The following CACNG4 variants were observed in gnomAD, a reference collection of about 807,000 sequenced individuals.
CACNG4 encodes the protein voltage-dependent calcium channel gamma-4 subunit.
In CACNG4, 8 loss-of-function variants were observed where a neutral mutation model predicts 22.9. The ratio of observed to expected loss-of-function variants is 0.35; its 90% CI spans 0.21 to 0.63. CACNG4 has a LOEUF of 0.63. Ranked by LOEUF, CACNG4 falls within the 30% of genes least tolerant of loss-of-function variation. The pLI is 0.72. For synonymous variants in CACNG4, 188 were observed against 191.9 expected (o/e 0.98, Z 0.17); for missense variants, 357 against 455.4 (o/e 0.78, Z 1.97).
In CACNG4 at chr17:66,984,187, T is replaced by G. The variant is rs57050551; in HGVS notation, c.220+19056T>G. ...AGAGGCCAGGAGTTCAAGACCAGTT[T>G]GGCAACATAATGAGACCCCGTTTCT... On this transcript the variant is annotated intron_variant, in intron 1 of 3. Coordinates refer to ENST00000262138, the MANE Select transcript of CACNG4 (RefSeq NM_014405.4). This position sits in a 1 kb window ranked among gnomAD's most constrained non-coding sequence, Gnocchi z 4.0. Among the ~76,000 whole-genome samples, 13,891 of 152,154 alleles carry G rather than the reference T, an allele frequency of 0.091. 1,107 individuals are homozygous for G. The highest frequency in any genetic ancestry group is 0.22 in the African/African-American group (9,130 of 41,464).
chr17:67,031,803 C>T lies in CACNG4; in HGVS notation c.*799C>T, dbSNP rs1481459676. ...AGGGTTCCATCGGTCAGGGGAATGG[C>T]GGCCACGTGACCTCTTGCCGTGCCC... On this transcript the variant is annotated 3_prime_UTR_variant, in exon 4 of 4. Transcript: ENST00000262138. This position sits in a 1 kb window ranked among gnomAD's most constrained non-coding sequence, Gnocchi z 4.0. 1.5e-5 allele frequency: 7 copies of T among 456,546 alleles called. No individual in the cohort carries two copies. The highest frequency in any genetic ancestry group is 4.7e-5 in the Admixed American group (2 of 42,550). The allele number at this position is 456,546 out of a possible 1,614,324, so 28.3% of individuals were successfully genotyped here.
intron 1 of CACNG4, among the ~76,000 whole-genome samples, chr17:66,968,333 G>C (rs2035182701): frequency 1.3e-5 from 2 of 152,254 alleles, no homozygotes; most frequent in Non-Finnish European, 2.9e-5. Context: ...TTAGAAGTGA[G>C]GATGCACAAC....
intron 3 of CACNG4, among the ~76,000 whole-genome samples, chr17:67,026,293 G>T (rs566356940): frequency 6.6e-6 from 1 of 151,050 alleles, no homozygotes; most frequent in African/African-American, 2.4e-5. Flanking sequence ...GTGTTTGTGC[G>T]TGTTAAGAGT....
intron 1 of CACNG4, among the ~76,000 whole-genome samples, chr17:67,013,711 A>G (rs916661274): frequency 6.6e-6 from 1 of 152,088 alleles, no homozygotes; most frequent in African/African-American, 2.4e-5. Context: ...AGGCTGAGGC[A>G]GGAGAATTGG....
At chr17:67,018,038 C>T (rs377395903) in intron 1 of CACNG4, 151 bp from the exon 2 acceptor site, 2 of 638,226 alleles carry the variant, frequency 3.1e-6, no homozygotes, top group Non-Finnish European at 5.6e-6. Flanking sequence ...CCCGTGCCCC[C>T]ACCAGACTGG....
Position 67,031,511 on chromosome 17 carries a change from G to A in CACNG4, c.*507G>A, listed in dbSNP as rs528088181. ...TCGTTGAGCCAGAAATCAGACCACC[G>A]AAGCTCACTCCCTTCCTCTCCATCT... On this transcript the variant is annotated 3_prime_UTR_variant, in exon 4 of 4. Transcript: ENST00000262138. This position sits in a 1 kb window ranked among gnomAD's most constrained non-coding sequence, Gnocchi z 4.0. 5 of 457,312 alleles carry A rather than the reference G, an allele frequency of 1.1e-5. No homozygotes were observed. The highest frequency in any genetic ancestry group is 2.3e-5 in the Admixed American group (1 of 42,578). The allele number at this position is 457,312 out of a possible 1,614,324, so 28.3% of individuals were successfully genotyped here. A position where few individuals can be genotyped will look rare whatever the true frequency, so the allele number is the denominator to read the frequency against.
chr17:67,030,205 C>T lies in CACNG4; in HGVS notation c.446-261C>T, dbSNP rs570599968. 6.6e-5 allele frequency among the ~76,000 whole-genome samples: 10 copies of T among 151,938 alleles called. No individual in the cohort carries two copies. The highest frequency in any genetic ancestry group is 4.2e-4 in the South Asian group (2 of 4,816). Reference sequence around the variant, plus strand: ...GAAATTTTTTTTCTGGAAGGACATACGAAAGAAGACAACAGTAGTTGCCTT... The same window carrying T: ...GAAATTTTTTTTCTGGAAGGACATATGAAAGAAGACAACAGTAGTTGCCTT... On this transcript the variant is annotated intron_variant, in intron 3 of 3. Transcript: ENST00000262138. This position sits in a 1 kb window ranked among gnomAD's most constrained non-coding sequence, Gnocchi z 6.4.
chr17:67,024,778 C>T, intron 2 of CACNG4, 82 bp from the exon 3 acceptor site: 1 of 1,373,342 alleles, frequency 7.3e-7, no homozygotes, highest in Non-Finnish European at 9.5e-7. Context: ...CTGCAAGGTT[C>T]CTGGGAGACA....
intron 1 of CACNG4, among the ~76,000 whole-genome samples, chr17:66,978,005 A>G (rs1185603668): frequency 6.6e-6 from 1 of 152,184 alleles, no homozygotes; most frequent in Non-Finnish European, 1.5e-5. Flanking sequence ...GGTTGTCAGG[A>G]GAATCAGATG....
chr17:67,014,437 A>G (rs77154359), intron 1 of CACNG4, among the ~76,000 whole-genome samples: 1 of 152,174 alleles, frequency 6.6e-6, no homozygotes, highest in Admixed American at 6.5e-5. Context: ...TGAAAAAAAA[A>G]TCCTAGGAGA....
At chr17:66,991,011 A>G (rs191129128) in intron 1 of CACNG4, among the ~76,000 whole-genome samples, 2 of 152,276 alleles carry the variant, frequency 1.3e-5, no homozygotes, top group Admixed American at 1.3e-4. Context: ...GGGGTACATT[A>G]ATACCAGACT....
At chr17:67,011,896 C>G (rs1011408714) in intron 1 of CACNG4, among the ~76,000 whole-genome samples, 9 of 152,160 alleles carry the variant, frequency 5.9e-5, no homozygotes, top group Non-Finnish European at 1.2e-4. Flanking sequence ...ACAGCCCCAG[C>G]CAATCCGAGG....
Position 67,030,926 on chromosome 17 carries a change from G to A in CACNG4, c.906G>A (p.Gln302=). ...YSPDQEASFL[Q]VHDFFQQDLK... is the part of the protein sequence containing the mutation. ...CCGACCAGGAGGCCAGCTTCCTGCA[G>A]GTGCATGACTTTTTCCAGCAGGACC... The change falls in exon 4 of 4, where the codon CAG becomes CAA. Residue 302 remains glutamine (Q), a synonymous_variant. Coordinates refer to ENST00000262138, the MANE Select transcript of CACNG4 (RefSeq NM_014405.4). This position sits in a 1 kb window ranked among gnomAD's most constrained non-coding sequence, Gnocchi z 6.4. The A allele has an allele frequency of 2.5e-6, 4 of 1,613,516 alleles. No homozygotes were observed. Among genetic ancestry groups the A allele is most frequent in the Non-Finnish European group, 3.4e-6 (4 of 1,180,022 alleles).
intron 1 of CACNG4, among the ~76,000 whole-genome samples, chr17:66,988,417 A>T (rs79021147): frequency 0.025 from 3,867 of 152,282 alleles, 147 homozygotes; most frequent in African/African-American, 0.089. Context: ...CTTTTCTTTG[A>T]AGTGAGGAAG....
intron 1 of CACNG4, among the ~76,000 whole-genome samples, chr17:67,014,373 C>T (rs745891310): frequency 6.6e-6 from 1 of 152,112 alleles, no homozygotes; most frequent in Non-Finnish European, 1.5e-5. Flanking sequence ...AAGTCCTTAG[C>T]GCCAAGCATT....
At chr17:66,996,149 C>T (rs1598111774) in intron 1 of CACNG4, among the ~76,000 whole-genome samples, 2 of 152,100 alleles carry the variant, frequency 1.3e-5, no homozygotes, top group Non-Finnish European at 1.5e-5. Context: ...GTGGATGGGG[C>T]ACCGCATGCT....
At chr17:66,973,237 T>TA (rs10718135) in intron 1 of CACNG4, among the ~76,000 whole-genome samples, 14,861 of 141,776 alleles carry the variant, frequency 0.1, 989 homozygotes, top group East Asian at 0.25. Context: ...AAGACTCCAT[T>TA]AAAAAAAAAA....
At chr17:66,993,648 C>G (rs2143312357) in intron 1 of CACNG4, among the ~76,000 whole-genome samples, 1 of 152,340 alleles carries the variant, frequency 6.6e-6, no homozygotes, top group Admixed American at 6.5e-5. Flanking sequence ...CTCTGTCACC[C>G]AAGCTGGAGT....
chr17:66,996,807 G>T (rs1268710289), intron 1 of CACNG4, among the ~76,000 whole-genome samples: 1 of 152,222 alleles, frequency 6.6e-6, no homozygotes, highest in Admixed American at 6.5e-5. Flanking sequence ...AATGCAGGAG[G>T]TTACAATGAC....
Sources: gnomAD v4.1 joint callset for allele counts (sites outside exome capture counted in the v4.1 genomes callset) on GRCh38, gnomAD v4.1.1 for gene constraint, Gnocchi (gnomAD v3.1) non-coding constraint, MANE v1.5 for transcripts, NCBI Gene and HGNC (gene_info 2026-07-23, HGNC 2026-07-21) for gene names.